The following CREM variants were observed in gnomAD, a reference collection of about 807,000 sequenced individuals.
CREM encodes the protein cAMP-responsive element modulator.
CREM carries 13 observed loss-of-function variants against 37.3 expected under a neutral mutation model. The ratio of observed to expected loss-of-function variants is 0.35; its 90% CI spans 0.23 to 0.55. The LOEUF (loss-of-function observed/expected upper bound fraction) is 0.55, where lower values mean the gene tolerates loss of function less well. CREM is among the 20% of genes least tolerant of loss of function. The probability of loss-of-function intolerance (pLI) is 0.88; values close to 1 mark genes in which losing one functional copy is unlikely to be tolerated. For missense variants in CREM, 296 were observed against 362.3 expected (o/e 0.82, Z 1.49); for synonymous variants, 124 against 120.2 (o/e 1.03, Z -0.21).
intron 5 of CREM, among the ~76,000 whole-genome samples, chr10:35,184,500 C>G (rs1230470300): frequency 3.3e-5 from 5 of 152,112 alleles, no homozygotes; most frequent in African/African-American, 1.2e-4. Context: ...TGGGAAGGTC[C>G]TCTGTCATTT....
chr10:35,194,450 A>G lies in CREM; in HGVS notation c.598+6062A>G, dbSNP rs571110829. 2.5e-3 allele frequency among the ~76,000 whole-genome samples: 382 copies of G among 152,344 alleles called. 3 individuals are homozygous for G. Among genetic ancestry groups the G allele is most frequent in the African/African-American group, 8.9e-3 (370 of 41,572 alleles). ...AATCACATGAAACTGCTATTTTTGT[A>G]GGCCAGAAAGTTCAAATATCAGCAA... On this transcript the variant is annotated intron_variant, in intron 6 of 7. Transcript: ENST00000685392.
At position 35,154,805 on chromosome 10, in the gene CREM, A is replaced by G. The variant is rs181451056; in HGVS notation, c.168+6314A>G. 3.7e-3 allele frequency among the ~76,000 whole-genome samples: 562 copies of G among 152,310 alleles called. 7 individuals carry two copies. Among genetic ancestry groups the G allele is most frequent in the Non-Finnish European group, 3.7e-3 (251 of 68,008 alleles). On this transcript the variant is annotated intron_variant, in intron 3 of 7. Coordinates refer to ENST00000685392, the MANE Select transcript of CREM (RefSeq NM_183011.2). ...CCACTGCTTTGAACCGTAACTCATT[A>G]TTGAAGGTAATTCAAGGTTCAGAGG...
Position 35,211,689 on chromosome 10 carries a change from A to G in CREM, c.*291A>G, listed in dbSNP as rs746109532. 6.2e-6 allele frequency: 10 copies of G among 1,613,428 alleles called. No homozygotes were observed. The African/African-American group carries it at 1.1e-4, about 17-fold the overall frequency. ...CCAAAGAATGTCGACGTCGAAAGAA[A>G]GAATATGTAAAATGTCTGGAGAGCC... On this transcript the variant is annotated 3_prime_UTR_variant, in exon 8 of 8. Transcript: ENST00000685392.
rs375172032 is a variant in CREM, at chr10:35,211,210, T to C, written c.756-44T>C. The C allele has an allele frequency of 3.8e-6, 6 of 1,597,846 alleles. No individual in the cohort carries two copies. In the African/African-American group the frequency reaches 4.0e-5, roughly 11 times the overall value. On this transcript the variant is annotated intron_variant, in intron 7 of 7. Transcript: ENST00000685392. The stretch of plus-strand genomic sequence containing the variant: ...GTGCACTGACCCACTGTGGATTGTG[T>C]TGGAAGGCTGTTCCTGTAGTCATTT...
chr10:35,180,128 C>T (rs2094291403), intron 5 of CREM, among the ~76,000 whole-genome samples: 1 of 152,122 alleles, frequency 6.6e-6, no homozygotes, highest in South Asian at 2.1e-4. Flanking sequence ...GTTTTGTAAA[C>T]TCTGCTACCC....
intron 2 of CREM, among the ~76,000 whole-genome samples, chr10:35,139,768 T>A (rs538797989): frequency 8.9e-4 from 136 of 152,358 alleles, no homozygotes; most frequent in African/African-American, 3.0e-3. Flanking sequence ...TTAATGTATT[T>A]AGCTATAAAT....
chr10:35,164,362 G>A (rs2093436108), intron 3 of CREM, among the ~76,000 whole-genome samples: 2 of 152,130 alleles, frequency 1.3e-5, no homozygotes, highest in South Asian at 4.1e-4. Flanking sequence ...TATTGTATTC[G>A]GAATCCTTTG....
intron 6 of CREM, among the ~76,000 whole-genome samples, chr10:35,189,788 T>C (rs1471609277): frequency 1.3e-5 from 2 of 152,224 alleles, no homozygotes; most frequent in Non-Finnish European, 2.9e-5. Context: ...AGTGCTGGGA[T>C]TACAGGCAGC....
chr10:35,189,130 A>G (rs368699837), intron 6 of CREM, among the ~76,000 whole-genome samples: 1 of 151,316 alleles, frequency 6.6e-6, no homozygotes, highest in Non-Finnish European at 1.5e-5. Flanking sequence ...TTCAAGTCTA[A>G]TTTCTAGGCA....
chr10:35,203,382 AC>A (rs1328999162), intron 6 of CREM, among the ~76,000 whole-genome samples: 2 of 151,276 alleles, frequency 1.3e-5, no homozygotes, highest in African/African-American at 4.9e-5. Flanking sequence ...ATTCCCACCC[AC>A]CCTTTTTTTA....
intron 1 of CREM, among the ~76,000 whole-genome samples, chr10:35,130,265 A>G (rs4934534): frequency 0.15 from 22,649 of 151,564 alleles, 1,927 homozygotes; most frequent in East Asian, 0.23. Flanking sequence ...GTAGAAATGA[A>G]CATTTTAAAT....
chr10:35,141,008 GA>G (rs1311940768), intron 2 of CREM, among the ~76,000 whole-genome samples: 1 of 152,194 alleles, frequency 6.6e-6, no homozygotes, highest in Non-Finnish European at 1.5e-5. Flanking sequence ...ATGGACTTTG[GA>G]AAAAGACCTT....
intron 3 of CREM, among the ~76,000 whole-genome samples, chr10:35,169,010 A>C (rs564683303): frequency 3.2e-4 from 48 of 152,060 alleles, no homozygotes; most frequent in African/African-American, 1.1e-3. Context: ...GCCTTGTAGT[A>C]TAGTTTGAAG....
intron 3 of CREM, among the ~76,000 whole-genome samples, chr10:35,157,379 C>T (rs2092979433): frequency 6.6e-6 from 1 of 151,974 alleles, no homozygotes; most frequent in African/African-American, 2.4e-5. Flanking sequence ...ACCTGTAATC[C>T]CAGCACTTTG....
Position 35,158,798 on chromosome 10 carries a change from G to GTTTTTTTT in CREM, c.168+10310_168+10317dup, listed in dbSNP as rs543961468. On this transcript the variant is annotated intron_variant, in intron 3 of 7. Transcript: ENST00000685392. ...CTTTTTGGAGAGTAGCAAATATAGT[G>GTTTTTTTT]TTTTTTTTTTGTTGTTTTGTTTGTT... Among the ~76,000 whole-genome samples the GTTTTTTTT allele has an allele frequency of 4.0e-5, 4 of 100,838 alleles. 1 individual carries two copies. Among genetic ancestry groups the GTTTTTTTT allele is most frequent in the Non-Finnish European group, 8.6e-5 (4 of 46,722 alleles). The allele number at this position is 100,838 out of a possible 152,430, so 66.2% of individuals were successfully genotyped here. A position where few individuals can be genotyped will look rare whatever the true frequency, so the allele number is the denominator to read the frequency against.
At position 35,163,442 on chromosome 10, in the gene CREM, G is replaced by C. The variant is rs141861109; in HGVS notation, c.168+14951G>C. Among the ~76,000 whole-genome samples the C allele has an allele frequency of 2.3e-4, 35 of 152,190 alleles. No individual in the cohort carries two copies. The East Asian group carries it at 6.8e-3, about 30-fold the overall frequency. On this transcript the variant is annotated intron_variant, in intron 3 of 7. Coordinates refer to ENST00000685392, the MANE Select transcript of CREM (RefSeq NM_183011.2). ...CTCATGCCTGTAATCCCAACACTTT[G>C]GGAGGCCGAGATGAGATGATTGCTT...
At chr10:35,131,493 T>C (rs1339417386) in intron 1 of CREM, among the ~76,000 whole-genome samples, 1 of 152,216 alleles carries the variant, frequency 6.6e-6, no homozygotes, top group Non-Finnish European at 1.5e-5. Flanking sequence ...AACTGGAATT[T>C]ATATCTTAGC....
chr10:35,148,061 A>T lies in CREM; in HGVS notation c.45-307A>T, dbSNP rs149835100. On this transcript the variant is annotated intron_variant, in intron 2 of 7. Transcript: ENST00000685392. ...TGGATTTTAGAATATTCGCATATACATATGAGTTACCTTGGGGATGAGAGC... is the reference window on the plus strand; with the variant it reads ...TGGATTTTAGAATATTCGCATATACTTATGAGTTACCTTGGGGATGAGAGC... 3.0e-4 allele frequency among the ~76,000 whole-genome samples: 45 copies of T among 152,356 alleles called. No individual in the cohort carries two copies. The East Asian group carries it at 8.7e-3, about 29-fold the overall frequency.
chr10:35,157,430 G>C (rs1012327505), intron 3 of CREM, among the ~76,000 whole-genome samples: 6 of 152,016 alleles, frequency 3.9e-5, no homozygotes, highest in Admixed American at 6.6e-5. Flanking sequence ...CAAGAGTTAA[G>C]AGACCAGCCT....
Sources: allele counts gnomAD v4.1 joint callset (sites outside exome capture counted in the v4.1 genomes callset), GRCh38; gene constraint gnomAD v4.1.1; transcripts MANE v1.5; gene names NCBI Gene and HGNC (gene_info 2026-07-23, HGNC 2026-07-21).